Variants in ADARB2 observed in about 807,000 individuals in gnomAD.
ADARB2 encodes the protein inactive double-stranded RNA-specific editase B2.
In ADARB2, 25 loss-of-function variants were observed where a neutral mutation model predicts 62.2. That is an observed-to-expected ratio of 0.40 (90% CI 0.29 to 0.56). The LOEUF (loss-of-function observed/expected upper bound fraction) is 0.56. ADARB2 is among the 20% of genes least tolerant of loss of function. ADARB2 has a pLI of 0.43. For synonymous variants in ADARB2, 572 were observed against 500.8 expected (o/e 1.14, Z -1.90); for missense variants, 1,071 against 1,077.4 (o/e 0.99, Z 0.08).
chr10:1,292,452 A>AT (rs1415055902), intron 3 of ADARB2: 1 of 152,102 alleles, frequency 6.6e-6, no homozygotes, highest in African/African-American at 2.4e-5. Flanking sequence ...CTACTGAGTG[A>AT]TTTTCTTTCA....
intron 4 of ADARB2, among the ~76,000 whole-genome samples, chr10:1,251,316 G>A (rs1404587531): frequency 6.6e-6 from 1 of 152,168 alleles, no homozygotes; most frequent in Non-Finnish European, 1.5e-5. Context: ...AGTAAAAGAA[G>A]CTGATCTGAA....
intron 3 of ADARB2, among the ~76,000 whole-genome samples, chr10:1,336,837 C>T (rs1047556921): frequency 2.0e-5 from 3 of 152,074 alleles, no homozygotes; most frequent in African/African-American, 2.4e-5. Context: ...TTCTTTCCAT[C>T]GTCGTTGGTG....
At chr10:1,672,101 G>A (rs1834393025) in intron 1 of ADARB2, among the ~76,000 whole-genome samples, 1 of 143,924 alleles carries the variant, frequency 6.9e-6, no homozygotes, top group Non-Finnish European at 1.5e-5. Context: ...TGGGCATCAA[G>A]CAGAGCCCTA....
chr10:1,692,461 T>C (rs1834685954), intron 1 of ADARB2, among the ~76,000 whole-genome samples: 1 of 152,190 alleles, frequency 6.6e-6, no homozygotes, highest in Non-Finnish European at 1.5e-5. Context: ...AGCAGGGGTT[T>C]CCATAGGATT....
In ADARB2 at chr10:1,426,811, A is replaced by G. The variant is rs886965400; in HGVS notation, c.101-47651T>C. ...TACTCCACCACTGCATCCCTTCTAT[A>G]CCCTGCTTCTCCCTTCAGACAAGGG... On this transcript the variant is annotated intron_variant, in intron 1 of 9. Coordinates refer to ENST00000381312, the MANE Select transcript of ADARB2 (RefSeq NM_018702.4). This position sits in a 1 kb window ranked among gnomAD's most constrained non-coding sequence, Gnocchi z 4.1. Among the ~76,000 whole-genome samples, 1 of 152,054 alleles carries G rather than the reference A, an allele frequency of 6.6e-6. No individual in the cohort carries two copies. The highest frequency in any genetic ancestry group is 2.4e-5 in the African/African-American group (1 of 41,384).
At chr10:1,323,783 G>A (rs969885226) in intron 3 of ADARB2, among the ~76,000 whole-genome samples, 16 of 152,176 alleles carry the variant, frequency 1.1e-4, no homozygotes, top group Admixed American at 2.0e-4. Flanking sequence ...GACCACAGAC[G>A]TAAACTATAA....
At chr10:1,432,196 CTGAATGAA>C (rs139036634) in intron 1 of ADARB2, among the ~76,000 whole-genome samples, 1 of 151,962 alleles carries the variant, frequency 6.6e-6, no homozygotes, top group African/African-American at 2.4e-5. Context: ...GAGATAGTAA[CTGAATGAA>C]TGAATGAATG....
chr10:1,185,213 C>A (rs1266476139), intron 8 of ADARB2, among the ~76,000 whole-genome samples, 174 bp from the exon 9 acceptor site: 1 of 152,256 alleles, frequency 6.6e-6, no homozygotes, highest in Non-Finnish European at 1.5e-5. Flanking sequence ...GCAAATTGGG[C>A]AGGATCGTGG....
At chr10:1,233,142 C>T (rs1268583738) in intron 6 of ADARB2, among the ~76,000 whole-genome samples, 9 of 152,276 alleles carry the variant, frequency 5.9e-5, no homozygotes, top group Non-Finnish European at 1.0e-4. Flanking sequence ...CATCACTGCC[C>T]TTTGCTGATG....
intron 6 of ADARB2, 130 bp downstream of exon 6, chr10:1,233,564 A>G: frequency 1.0e-6 from 1 of 983,196 alleles, no homozygotes; most frequent in Non-Finnish European, 1.4e-6. Context: ...TGTAGACTCA[A>G]TCCCCTTCCA....
At chr10:1,359,926 T>G (rs964036350) in intron 3 of ADARB2, among the ~76,000 whole-genome samples, 17 of 152,366 alleles carry the variant, frequency 1.1e-4, no homozygotes, top group African/African-American at 4.1e-4. Context: ...ACCATCACAT[T>G]GGAAACTTTT....
chr10:1,191,102 T>G (rs888332329), intron 8 of ADARB2, among the ~76,000 whole-genome samples: 2 of 152,100 alleles, frequency 1.3e-5, no homozygotes, highest in Non-Finnish European at 2.9e-5. Flanking sequence ...GGCCCCACAC[T>G]CCGCAGAATG....
chr10:1,277,966 T>C (rs117411288), intron 3 of ADARB2, among the ~76,000 whole-genome samples: 27 of 80,350 alleles, frequency 3.4e-4, no homozygotes, highest in African/African-American at 5.6e-4. Flanking sequence ...TCTTTCTCTC[T>C]CTCTTTCTTT....
At chr10:1,623,636 C>T (rs1028612373) in intron 1 of ADARB2, among the ~76,000 whole-genome samples, 3 of 152,242 alleles carry the variant, frequency 2.0e-5, no homozygotes, top group African/African-American at 7.2e-5. Flanking sequence ...GTTGTACCGT[C>T]ATCACCTTCT....
At chr10:1,451,323 GGAGCAAACAGTGGAGT>G (rs1831034960) in intron 1 of ADARB2, among the ~76,000 whole-genome samples, 1 of 152,230 alleles carries the variant, frequency 6.6e-6, no homozygotes, top group Non-Finnish European at 1.5e-5. Flanking sequence ...TCCTCTGGAG[GGAGCAAACAGTGGAGT>G]GTGCACCTCA....
intron 1 of ADARB2, among the ~76,000 whole-genome samples, chr10:1,503,152 C>T (rs1831786472): frequency 6.6e-6 from 1 of 152,148 alleles, no homozygotes; most frequent in Non-Finnish European, 1.5e-5. Context: ...ATAACACATA[C>T]ATATTTAATT....
chr10:1,532,043 T>G lies in ADARB2; in HGVS notation c.101-152883A>C, dbSNP rs1588290398. 2.6e-5 allele frequency among the ~76,000 whole-genome samples: 4 copies of G among 152,184 alleles called. No individual in the cohort carries two copies. In the South Asian group the frequency reaches 8.3e-4, roughly 32 times the overall value. On this transcript the variant is annotated intron_variant, in intron 1 of 9. Coordinates refer to ENST00000381312, the MANE Select transcript of ADARB2 (RefSeq NM_018702.4). ...AATAGTTTCCTGCCTGTGATTTGAA[T>G]CAGAGCAAAACATCCCTGGGCACCC...
chr10:1,367,881 A>G (rs1329042779), intron 2 of ADARB2, among the ~76,000 whole-genome samples: 1 of 152,240 alleles, frequency 6.6e-6, no homozygotes, highest in African/African-American at 2.4e-5. Flanking sequence ...TACGACTCTC[A>G]GAATTAAAGT....
chr10:1,690,560 G>T (rs1190023718), intron 1 of ADARB2, among the ~76,000 whole-genome samples: 1 of 152,186 alleles, frequency 6.6e-6, no homozygotes, highest in Non-Finnish European at 1.5e-5. Flanking sequence ...AGTGCAAGGG[G>T]TTCTTGAGGG....
Sources: allele counts gnomAD v4.1 joint callset (sites outside exome capture counted in the v4.1 genomes callset), GRCh38; gene constraint gnomAD v4.1.1; non-coding constraint Gnocchi (gnomAD v3.1); transcripts MANE v1.5; gene names NCBI Gene and HGNC (gene_info 2026-07-23, HGNC 2026-07-21).